EPYC: variants seen among roughly 807,000 people sequenced by gnomAD.
EPYC encodes epiphycan.
EPYC carries 28 observed loss-of-function variants against 30.1 expected under a neutral mutation model. The ratio of observed to expected loss-of-function variants is 0.93; its 90% confidence interval spans 0.69 to 1.28. The LOEUF (loss-of-function observed/expected upper bound fraction) is 1.28. Ranked by LOEUF, EPYC falls within the 50% of genes most tolerant of loss-of-function variation. The pLI, the probability that EPYC is intolerant of heterozygous loss-of-function variation, is 0.00. For synonymous variants in EPYC, 144 were observed against 141.4 expected, an observed-to-expected ratio of 1.02 and a Z score of -0.13; for missense variants, 382 against 383.5, an observed-to-expected ratio of 1.00 and a Z score of 0.03.
At chr12:90,990,266 A>T (rs140439170) in intron 2 of EPYC, among the ~76,000 whole-genome samples, 7 of 152,166 alleles carry the variant, frequency 4.6e-5, no homozygotes, top group African/African-American at 1.7e-4. Flanking sequence ...GCATAAATCC[A>T]TGCCTTTTAA....
intron 2 of EPYC, among the ~76,000 whole-genome samples, chr12:90,982,922 C>A (rs988979079): frequency 6.6e-6 from 1 of 152,010 alleles, no homozygotes; most frequent in African/African-American, 2.4e-5. Context: ...TTTGTCTTGG[C>A]CTTTGTGAAT....
chr12:90,967,467 G>A (rs1229048804), intron 6 of EPYC, among the ~76,000 whole-genome samples: 1 of 152,010 alleles, frequency 6.6e-6, no homozygotes, highest in Non-Finnish European at 1.5e-5. Flanking sequence ...AACATACTTT[G>A]TATAATTTTA....
chr12:90,980,823 C>T (rs1475910848), intron 2 of EPYC, among the ~76,000 whole-genome samples: 1 of 152,044 alleles, frequency 6.6e-6, no homozygotes. Flanking sequence ...GCTTGTTTTA[C>T]TCTGACTTGC....
Position 90,964,048 on chromosome 12 carries a change from A to G in EPYC, c.*108T>C. 1.2e-6 allele frequency: 1 copy of G among 825,436 alleles called. No homozygotes were observed. The highest frequency in any genetic ancestry group is 1.9e-6 in the Non-Finnish European group (1 of 536,478). The allele number at this position is 825,436 out of a possible 1,614,324, so 51.1% of individuals were successfully genotyped here. On this transcript the variant is annotated 3_prime_UTR_variant, in exon 7 of 7. Transcript: ENST00000261172. ...TAATTGTATTTTATGTAGTCATATC[A>G]TCTCTCAGAACACAATCTCAAAGTA...
chr12:90,984,079 G>A (rs978453165), intron 2 of EPYC, among the ~76,000 whole-genome samples: 1 of 152,114 alleles, frequency 6.6e-6, no homozygotes, highest in Non-Finnish European at 1.5e-5. Context: ...CTCCCTCAGG[G>A]TATGGCCCTC....
At position 90,978,223 on chromosome 12, in the gene EPYC, G is replaced by C; in HGVS notation, c.205C>G (p.Leu69Val). The C allele has an allele frequency of 6.3e-7, 1 of 1,598,826 alleles. No homozygotes were observed. The highest frequency in any genetic ancestry group is 8.5e-7 in the Non-Finnish European group (1 of 1,174,482). Residue 69 changes from leucine to valine, a missense_variant, in exon 3 of 7, where the codon CTC becomes GTC. Transcript: ENST00000261172. The part of the protein sequence containing the change: ...ATVMPSGNRE[L>V]LTPPPQPEKA... ...TCAGGCTGTGGGGGTGGAGTGAGGA[G>C]CTCTCTGTTCCCTGAAGGCATCACT... is the stretch of plus-strand genomic sequence containing the variant.
At chr12:90,985,039 T>C (rs1877418722) in intron 2 of EPYC, among the ~76,000 whole-genome samples, 1 of 152,136 alleles carries the variant, frequency 6.6e-6, no homozygotes. Flanking sequence ...TGGCTTTTAA[T>C]GAAAAGAATG....
intron 2 of EPYC, among the ~76,000 whole-genome samples, chr12:90,995,466 A>G (rs1302852190): frequency 1.3e-5 from 2 of 152,054 alleles, no homozygotes; most frequent in African/African-American, 4.8e-5. Flanking sequence ...AGAAGCAGAA[A>G]AAGAATGGGG....
At chr12:90,994,007 T>C (rs1287105659) in intron 2 of EPYC, among the ~76,000 whole-genome samples, 1 of 152,140 alleles carries the variant, frequency 6.6e-6, no homozygotes, top group African/African-American at 2.4e-5. Flanking sequence ...TACATTCCAA[T>C]AGATAGCTAC....
intron 2 of EPYC, among the ~76,000 whole-genome samples, chr12:91,001,457 T>C (rs1877820883): frequency 6.6e-6 from 1 of 152,164 alleles, no homozygotes; most frequent in Admixed American, 6.6e-5. Flanking sequence ...GTGTTGCACA[T>C]TAGTTACACT....
chr12:90,994,974 A>T (rs554507343), intron 2 of EPYC, among the ~76,000 whole-genome samples: 1 of 152,118 alleles, frequency 6.6e-6, no homozygotes, highest in African/African-American at 2.4e-5. Flanking sequence ...ATTGACTTCT[A>T]AAGGCGTTAA....
At chr12:90,993,244 T>C (rs1877627365) in intron 2 of EPYC, among the ~76,000 whole-genome samples, 1 of 152,082 alleles carries the variant, frequency 6.6e-6, no homozygotes, top group Admixed American at 6.6e-5. Context: ...TGAACAAAGA[T>C]TTATGGGGGT....
intron 5 of EPYC, among the ~76,000 whole-genome samples, chr12:90,971,468 G>A (rs566775222): frequency 3.3e-5 from 5 of 151,916 alleles, no homozygotes; most frequent in South Asian, 2.1e-4. Context: ...CCAGGAGTTC[G>A]ACACCAGCCT....
rs535260107 is a variant in EPYC, at chr12:90,988,299, T to C, written c.166-10037A>G. Among the ~76,000 whole-genome samples, 5 of 152,276 alleles carry C rather than the reference T, an allele frequency of 3.3e-5. No individual in the cohort carries two copies. In the East Asian group the frequency reaches 9.7e-4, roughly 29 times the overall value. ...GAAGCCATTAGGAGCAGCTTCTTTA[T>C]TCTTGACTCTAGCTGATTAGTGATG... On this transcript the variant is annotated intron_variant, in intron 2 of 6. Transcript: ENST00000261172.
At chr12:90,970,596 C>A (rs1291478634) in intron 5 of EPYC, among the ~76,000 whole-genome samples, 1 of 152,176 alleles carries the variant, frequency 6.6e-6, no homozygotes, top group Non-Finnish European at 1.5e-5. Context: ...CCTAGCAAGA[C>A]AAAAAACATT....
At chr12:90,984,157 C>T (rs1390865211) in intron 2 of EPYC, among the ~76,000 whole-genome samples, 1 of 152,136 alleles carries the variant, frequency 6.6e-6, no homozygotes. Context: ...CAGGAAAACG[C>T]TTAGGACTCT....
intron 2 of EPYC, among the ~76,000 whole-genome samples, chr12:90,987,080 T>G (rs1877467471): frequency 6.6e-6 from 1 of 152,120 alleles, no homozygotes; most frequent in African/African-American, 2.4e-5. Flanking sequence ...ATGGTTAAAG[T>G]TGCATGAGAG....
Position 90,971,995 on chromosome 12 carries a change from T to A in EPYC, c.507A>T (p.Leu169Phe). The A allele has an allele frequency of 6.4e-7, 1 of 1,552,064 alleles. No individual in the cohort carries two copies. Among genetic ancestry groups the A allele is most frequent in the Non-Finnish European group, 8.8e-7 (1 of 1,140,820 alleles). The change falls in exon 5 of 7, where the codon TTA (leucine) becomes TTT (phenylalanine). Residue 169 changes from leucine (L) to phenylalanine (F), a missense_variant. Coordinates refer to ENST00000261172, the MANE Select transcript of EPYC (RefSeq NM_004950.5). The stretch of plus-strand genomic sequence containing the variant: ...AATTTGATGTCAGATCAATCCTTTT[T>A]AAATCACCTAGCAGAAAAAAATAAA... ...NKNDFASLSD[L>F]KRIDLTSNLI...
intron 6 of EPYC, among the ~76,000 whole-genome samples, chr12:90,969,390 A>T (rs1318097187): frequency 2.0e-5 from 3 of 152,264 alleles, no homozygotes; most frequent in East Asian, 3.8e-4. Context: ...ATTCATTATG[A>T]TTGAACAATT....
Sources: allele counts gnomAD v4.1 joint callset (sites outside exome capture counted in the v4.1 genomes callset), GRCh38; gene constraint gnomAD v4.1.1; transcripts MANE v1.5; gene names NCBI Gene and HGNC (gene_info 2026-07-23, HGNC 2026-07-21).